The following LRP1B variants were observed in gnomAD, a reference collection of about 807,000 sequenced individuals.
LRP1B encodes the protein LDL receptor related protein 1B.
In LRP1B, 217 loss-of-function variants were observed where a neutral mutation model predicts 556.6. The ratio of observed to expected loss-of-function variants is 0.39; its 90% CI spans 0.35 to 0.44. LRP1B has a LOEUF of 0.44. Among genes scored for constraint, LRP1B ranks in the 20% least tolerant of loss-of-function variants. The pLI is 1.00. For synonymous variants in LRP1B, 2,047 were observed against 1,865.8 expected, an observed-to-expected ratio of 1.10 and a Z score of -2.50; for missense variants, 5,053 against 5,620.8, an observed-to-expected ratio of 0.90 and a Z score of 3.23.
At chr2:142,103,414 T>A (rs1289983949) in intron 1 of LRP1B, among the ~76,000 whole-genome samples, 1 of 151,938 alleles carries the variant, frequency 6.6e-6, no homozygotes, top group Non-Finnish European at 1.5e-5. Flanking sequence ...CATTTTTTTC[T>A]CTCTGTGATG....
chr2:142,076,539 G>A (rs907198498), intron 1 of LRP1B, among the ~76,000 whole-genome samples: 16 of 152,052 alleles, frequency 1.1e-4, no homozygotes, highest in African/African-American at 2.7e-4. Context: ...TTCATGGGTC[G>A]TTCAAGTGTA....
chr2:141,367,021 G>A (rs1176565326), intron 3 of LRP1B, among the ~76,000 whole-genome samples: 4 of 152,198 alleles, frequency 2.6e-5, no homozygotes, highest in African/African-American at 9.6e-5. Flanking sequence ...GTTGTTATGT[G>A]ATTATGGACT....
chr2:141,077,655 T>C (rs1699822468), intron 7 of LRP1B, among the ~76,000 whole-genome samples: 1 of 152,208 alleles, frequency 6.6e-6, no homozygotes, highest in Non-Finnish European at 1.5e-5. Context: ...GAACTGTGAT[T>C]TCCCCCGAGG....
At chr2:141,896,349 A>C (rs926895424) in intron 1 of LRP1B, among the ~76,000 whole-genome samples, 1 of 152,202 alleles carries the variant, frequency 6.6e-6, no homozygotes, top group Non-Finnish European at 1.5e-5. Context: ...AGATTAAATA[A>C]AAACAAATCA....
At chr2:141,183,266 C>T (rs1181261668) in intron 7 of LRP1B, among the ~76,000 whole-genome samples, 1 of 152,042 alleles carries the variant, frequency 6.6e-6, no homozygotes, top group Non-Finnish European at 1.5e-5. Flanking sequence ...CTGCTAACTA[C>T]TCCAAAGATC....
intron 1 of LRP1B, among the ~76,000 whole-genome samples, chr2:141,868,191 T>C (rs1409909096): frequency 6.6e-6 from 1 of 152,146 alleles, no homozygotes; most frequent in East Asian, 1.9e-4. Flanking sequence ...CGCAAAAGTG[T>C]TGCTTGGGAA....
chr2:141,479,170 G>A (rs1316983743), intron 3 of LRP1B, among the ~76,000 whole-genome samples: 2 of 152,010 alleles, frequency 1.3e-5, no homozygotes, highest in Non-Finnish European at 2.9e-5. Flanking sequence ...TACATCTTCA[G>A]GTTATTGTTC....
intron 53 of LRP1B, among the ~76,000 whole-genome samples, chr2:140,506,315 G>A (rs1053702824): frequency 1.3e-5 from 2 of 152,000 alleles, no homozygotes; most frequent in Admixed American, 6.6e-5. Context: ...CATGATCTCG[G>A]CTCACTGCGA....
intron 10 of LRP1B, among the ~76,000 whole-genome samples, chr2:141,054,546 T>C (rs913935649): frequency 6.6e-6 from 1 of 152,010 alleles, no homozygotes; most frequent in African/African-American, 2.4e-5. Flanking sequence ...AAAACAAAGA[T>C]ATATCTAAGA....
intron 2 of LRP1B, among the ~76,000 whole-genome samples, chr2:141,659,706 G>C (rs1201886186): frequency 6.6e-6 from 1 of 152,082 alleles, no homozygotes; most frequent in Non-Finnish European, 1.5e-5. Context: ...ATATATTTGA[G>C]AGTCATTATC....
At chr2:140,923,226 T>C (rs1694792834) in intron 20 of LRP1B, 79 bp from the exon 21 acceptor site, 3 of 1,120,410 alleles carry the variant, frequency 2.7e-6, no homozygotes, top group South Asian at 3.1e-5. Flanking sequence ...TTGGTAGTTT[T>C]TATTTCACAT....
intron 2 of LRP1B, among the ~76,000 whole-genome samples, chr2:141,676,692 T>C (rs1170005936): frequency 6.6e-6 from 1 of 152,176 alleles, no homozygotes; most frequent in Non-Finnish European, 1.5e-5. Context: ...AACCCTTCAT[T>C]TAATAATGAG....
At chr2:140,565,387 A>G (rs1202540548) in intron 43 of LRP1B, among the ~76,000 whole-genome samples, 3 of 151,892 alleles carry the variant, frequency 2.0e-5, no homozygotes, top group African/African-American at 7.2e-5. Context: ...AGATTCTTCA[A>G]TTTTTACACT....
rs566485320 is a variant in LRP1B at position 140,971,821 on chromosome 2, G to C, written c.2887+10339C>G. On this transcript the variant is annotated intron_variant, in intron 18 of 90. Transcript: ENST00000389484. ...TGCGCTCTAGCCTGGGTGACAGAGAGAGACTCCGTCTCAAAAAAAAATTAG... is the reference window on the plus strand; with the variant it reads ...TGCGCTCTAGCCTGGGTGACAGAGACAGACTCCGTCTCAAAAAAAAATTAG... Among the ~76,000 whole-genome samples the C allele has an allele frequency of 1.3e-3, 192 of 152,252 alleles. 1 individual carries two copies. The highest frequency in any genetic ancestry group is 4.2e-3 in the African/African-American group (174 of 41,546).
At chr2:141,584,055 C>G (rs1179590797) in intron 2 of LRP1B, among the ~76,000 whole-genome samples, 1 of 151,490 alleles carries the variant, frequency 6.6e-6, no homozygotes, top group African/African-American at 2.4e-5. Context: ...ACTAGCTGGG[C>G]TACATGGTAA....
intron 41 of LRP1B, among the ~76,000 whole-genome samples, chr2:140,637,949 A>G (rs1471910250): frequency 2.0e-5 from 3 of 152,328 alleles, no homozygotes; most frequent in South Asian, 2.1e-4. Flanking sequence ...ATTAGCACTG[A>G]CTTTACTCTT....
intron 3 of LRP1B, among the ~76,000 whole-genome samples, chr2:141,329,667 T>TAAAAAAAAAAAA: frequency 1.5e-5 from 1 of 67,602 alleles, no homozygotes; most frequent in South Asian, 4.1e-4. Flanking sequence ...AAAAAAAAAC[T>TAAAAAAAAAAAA]ATCTCTCTCT....
intron 2 of LRP1B, among the ~76,000 whole-genome samples, chr2:141,720,938 A>C (rs2105497588): frequency 6.6e-6 from 1 of 152,272 alleles, no homozygotes; most frequent in Admixed American, 6.5e-5. Context: ...TTATTGCATT[A>C]AGATCATTGA....
intron 3 of LRP1B, among the ~76,000 whole-genome samples, chr2:141,383,518 T>C (rs1347253026): frequency 6.6e-6 from 1 of 152,194 alleles, no homozygotes; most frequent in Non-Finnish European, 1.5e-5. Context: ...TGCTCCTCAA[T>C]TTATGATGTG....
Sources: allele counts gnomAD v4.1 joint callset (sites outside exome capture counted in the v4.1 genomes callset), GRCh38; gene constraint gnomAD v4.1.1; transcripts MANE v1.5; gene names NCBI Gene and HGNC (gene_info 2026-07-23, HGNC 2026-07-21).